The following SOAT2 variants were observed in gnomAD, a reference collection of about 807,000 sequenced individuals.
SOAT2 encodes ACAT-2.
SOAT2 carries 87 observed loss-of-function variants against 76.0 expected under a neutral mutation model. The observed-to-expected ratio is 1.14, with a 90% CI of 0.96 to 1.37. SOAT2 has a LOEUF of 1.37. Among genes scored for constraint, SOAT2 ranks in the 40% most tolerant of loss-of-function variants. The pLI, the probability that SOAT2 is intolerant of heterozygous loss-of-function variation, is 0.00. For synonymous variants in SOAT2, 285 were observed against 275.4 expected, an observed-to-expected ratio of 1.03 and a Z score of -0.34; for missense variants, 686 against 682.1, an observed-to-expected ratio of 1.01 and a Z score of -0.06.
intron 5 of SOAT2, among the ~76,000 whole-genome samples, chr12:53,112,454 G>C (rs28872924): frequency 0.19 from 27,999 of 150,708 alleles, 3,301 homozygotes; most frequent in African/African-American, 0.35. Flanking sequence ...GCTGAAGCAG[G>C]AGAATTGCTT....
intron 1 of SOAT2, among the ~76,000 whole-genome samples, 155 bp from the exon 2 acceptor site, chr12:53,103,996 C>T (rs1456584720): frequency 1.3e-5 from 2 of 152,198 alleles, no homozygotes; most frequent in Admixed American, 1.3e-4. Context: ...ACAGCAACTT[C>T]CCCTTCTAGT....
intron 7 of SOAT2, among the ~76,000 whole-genome samples, chr12:53,116,888 A>G (rs1938113658): frequency 6.6e-6 from 1 of 151,808 alleles, no homozygotes; most frequent in African/African-American, 2.4e-5. Context: ...AGTGAGAGAC[A>G]TGCAACTCTT....
chr12:53,120,294 C>T (rs529337085), intron 10 of SOAT2, among the ~76,000 whole-genome samples: 2 of 152,156 alleles, frequency 1.3e-5, no homozygotes, highest in South Asian at 2.1e-4. Context: ...ACGGTGAAAC[C>T]CCATCTCTAC....
rs758073087 is a variant in SOAT2, at chr12:53,103,602, C to T, written c.25C>T (p.Arg9Cys). Residue 9 changes from arginine to cysteine, a missense_variant, in exon 1 of 15, where the codon CGT becomes TGT. Physicochemically the swap from Arg to Cys is radical, Grantham distance 180. Coordinates refer to ENST00000301466, the MANE Select transcript of SOAT2 (RefSeq NM_003578.4). Reference protein sequence around the residue: MEPGGARLRLQRTEGLGGE... With the variant: MEPGGARLCLQRTEGLGGE... ...CATGGAGCCAGGCGGGGCCCGTCTG[C>T]GTCTGCAGAGGACAGAAGGGCTGGG... 14 of 1,546,600 alleles carry T rather than the reference C, an allele frequency of 9.1e-6. No individual in the cohort carries two copies. The highest frequency in any genetic ancestry group is 7.1e-5 in the South Asian group (6 of 83,988).
In SOAT2 at chr12:53,115,739, C is replaced by G. The variant is rs1266962821; in HGVS notation, c.708+85C>G. On this transcript the variant is annotated intron_variant, in intron 6 of 14. Coordinates refer to ENST00000301466, the MANE Select transcript of SOAT2 (RefSeq NM_003578.4). ...GAGGGGGAGTCCCCCAAAGAGGGGG[C>G]GGGGCCCACGAGAGGGAGGCGCTGG... 3 of 1,399,136 alleles carry G rather than the reference C, an allele frequency of 2.1e-6. No individual in the cohort carries two copies. The Admixed American group carries it at 8.9e-5, about 41-fold the overall frequency. 86.7% of individuals were successfully genotyped at this position (1,399,136 alleles called of 1,614,324 possible). A position where few individuals can be genotyped will look rare whatever the true frequency, so the allele number is the denominator to read the frequency against.
At chr12:53,103,824 A>T (rs778478975) in intron 1 of SOAT2, among the ~76,000 whole-genome samples, 165 bp downstream of exon 1, 7 of 152,224 alleles carry the variant, frequency 4.6e-5, no homozygotes, top group East Asian at 1.9e-4. Flanking sequence ...CCCAGCTGGA[A>T]GATGGAACAG....
intron 1 of SOAT2, 134 bp downstream of exon 1, chr12:53,103,793 C>T (rs1937879656): frequency 1.3e-6 from 1 of 789,010 alleles, no homozygotes; most frequent in South Asian, 1.8e-5. Context: ...GAAGGTAGAC[C>T]CTGGCCTCAG....
At chr12:53,110,075 A>C (rs1937990329) in intron 5 of SOAT2, among the ~76,000 whole-genome samples, 1 of 152,172 alleles carries the variant, frequency 6.6e-6, no homozygotes. Flanking sequence ...ACCCAACTTA[A>C]AACAATCCTT....
At position 53,121,400 on chromosome 12, in the gene SOAT2, G is replaced by C; in HGVS notation, c.1235G>C (p.Arg412Pro). 2 of 1,612,324 alleles carry C rather than the reference G, an allele frequency of 1.2e-6. No individual in the cohort carries two copies. The highest frequency in any genetic ancestry group is 2.2e-5 in the South Asian group (2 of 91,052). Residue 412 changes from arginine (R) to proline (P), a missense_variant and splice_region_variant, in exon 12 of 15, where the codon CGG becomes CCG. Physicochemically the swap from Arg to Pro is moderately radical, Grantham distance 103. Coordinates refer to ENST00000301466, the MANE Select transcript of SOAT2 (RefSeq NM_003578.4). ...AGCTACGTGTATCAGGATGGGCTGC[G>C]GGTATGGGCCCTGCAGACCCCTTCA... ...LYSYVYQDGL[R>P]LLGARARGVA...
chr12:53,113,533 C>T (rs1030273071), intron 5 of SOAT2, among the ~76,000 whole-genome samples: 1 of 152,178 alleles, frequency 6.6e-6, no homozygotes, highest in African/African-American at 2.4e-5. Flanking sequence ...GGCTGGCTTG[C>T]CACGTTTTGT....
At chr12:53,116,635 A>G (rs1203331829) in intron 7 of SOAT2, among the ~76,000 whole-genome samples, 1 of 152,162 alleles carries the variant, frequency 6.6e-6, no homozygotes, top group African/African-American at 2.4e-5. Flanking sequence ...ACACTGAGAC[A>G]GGAGGATCGT....
At chr12:53,106,295 C>G (rs566702933) in intron 5 of SOAT2, among the ~76,000 whole-genome samples, 1 of 152,386 alleles carries the variant, frequency 6.6e-6, no homozygotes, top group African/African-American at 2.4e-5. Context: ...TGTGTGCACA[C>G]ATGCACACCC....
In SOAT2 at chr12:53,119,212, C is replaced by T. The variant is rs1254498664; in HGVS notation, c.998C>T (p.Thr333Ile). ...AACATGAGCCGAGAGCCCTTCAGCACCCGTGCCCTGGTGCTCTCTATCCTG... is the reference window on the plus strand; with the variant it reads ...AACATGAGCCGAGAGCCCTTCAGCATCCGTGCCCTGGTGCTCTCTATCCTG... Reference protein sequence around the residue: ...FANMSREPFSTRALVLSILHA... With the variant: ...FANMSREPFSIRALVLSILHA... Residue 333 changes from threonine (T) to isoleucine (I), a missense_variant, in exon 10 of 15, where the codon ACC becomes ATC. Transcript: ENST00000301466. The T allele has an allele frequency of 6.2e-7, 1 of 1,614,038 alleles. No individual in the cohort carries two copies. Among genetic ancestry groups the T allele is most frequent in the Non-Finnish European group, 8.5e-7 (1 of 1,180,018 alleles).
intron 5 of SOAT2, among the ~76,000 whole-genome samples, chr12:53,106,783 A>C (rs1406999954): frequency 6.6e-6 from 1 of 152,244 alleles, no homozygotes; most frequent in Non-Finnish European, 1.5e-5. Context: ...TAAAGACATA[A>C]GTGATTAACT....
chr12:53,123,996 T>C (rs1356697069), intron 14 of SOAT2, 77 bp from the exon 15 acceptor site: 2 of 1,603,964 alleles, frequency 1.2e-6, no homozygotes, highest in Non-Finnish European at 1.7e-6. Flanking sequence ...TTGGGGGTGA[T>C]GGACTCTCAC....
intron 5 of SOAT2, among the ~76,000 whole-genome samples, 168 bp from the exon 6 acceptor site, chr12:53,115,222 G>A (rs573045530): frequency 6.6e-6 from 1 of 152,318 alleles, no homozygotes; most frequent in African/African-American, 2.4e-5. Context: ...TGAGTCTCCT[G>A]GAGCAACGCC....
chr12:53,106,000 C>T lies in SOAT2; in HGVS notation c.429C>T (p.Phe143=), dbSNP rs747388463. The change falls in exon 5 of 15, where the codon TTC becomes TTT. Residue 143 remains phenylalanine (F), a synonymous_variant. Coordinates refer to ENST00000301466, the MANE Select transcript of SOAT2 (RefSeq NM_003578.4). ...VFIISTLAID[F]IDEGRLLLEF... The stretch of plus-strand genomic sequence containing the variant: ...TCATCAGCACCCTGGCCATCGACTT[C>T]ATTGATGAGGGCAGGTAGGTCCCCT... 4 of 1,613,268 alleles carry T rather than the reference C, an allele frequency of 2.5e-6. No individual in the cohort carries two copies. The highest frequency in any genetic ancestry group is 3.4e-6 in the Non-Finnish European group (4 of 1,179,306).
chr12:53,122,206 C>CT (rs55672871), intron 12 of SOAT2, among the ~76,000 whole-genome samples: 6,255 of 111,050 alleles, frequency 0.056, 234 homozygotes, highest in Non-Finnish European at 0.078. Flanking sequence ...GGTGGGGGCT[C>CT]TTTTTTTTTT....
At chr12:53,109,205 C>T (rs1050929064) in intron 5 of SOAT2, among the ~76,000 whole-genome samples, 1 of 152,092 alleles carries the variant, frequency 6.6e-6, no homozygotes, top group African/African-American at 2.4e-5. Flanking sequence ...CCACTGCACT[C>T]CAGCCTGGGT....
Sources: allele counts gnomAD v4.1 joint callset (sites outside exome capture counted in the v4.1 genomes callset), GRCh38; gene constraint gnomAD v4.1.1; transcripts MANE v1.5; gene names NCBI Gene and HGNC (gene_info 2026-07-23, HGNC 2026-07-21).